Variants in ARSK observed in about 807,000 individuals in gnomAD.
The protein encoded by ARSK is arylsulfatase family member K, also known as arylsulfatase K.
ARSK carries 37 observed loss-of-function variants against 53.2 expected under a neutral mutation model. The observed-to-expected ratio is 0.70, with a 90% confidence interval of 0.54 to 0.92. The LOEUF is 0.92. ARSK is among the 40% of genes least tolerant of loss of function. The pLI is 0.00. For synonymous variants in ARSK, 208 were observed against 223.2 expected, an observed-to-expected ratio of 0.93 and a Z score of 0.61; for missense variants, 613 against 643.0, an observed-to-expected ratio of 0.95 and a Z score of 0.51.
At chr5:95,596,252 A>G (rs1749305916) in intron 6 of ARSK, among the ~76,000 whole-genome samples, 1 of 152,214 alleles carries the variant, frequency 6.6e-6, no homozygotes, top group Non-Finnish European at 1.5e-5. Flanking sequence ...AAACAAACTT[A>G]TACATATTTT....
intron 6 of ARSK, among the ~76,000 whole-genome samples, chr5:95,594,172 A>G (rs1477573564): frequency 3.9e-5 from 6 of 152,194 alleles, no homozygotes; most frequent in Non-Finnish European, 5.9e-5. Context: ...GGGTCTTTAT[A>G]TAAAACACTG....
At chr5:95,560,903 C>T (rs1029266896) in intron 1 of ARSK, among the ~76,000 whole-genome samples, 1 of 149,904 alleles carries the variant, frequency 6.7e-6, no homozygotes, top group Non-Finnish European at 1.5e-5. Flanking sequence ...CTCCCAGGTT[C>T]AAGCCATTCT....
chr5:95,601,125 A>G (rs1749396486), intron 7 of ARSK, 54 bp downstream of exon 7: 8 of 1,405,464 alleles, frequency 5.7e-6, no homozygotes, highest in South Asian at 4.7e-5. Context: ...GAACTGCCCT[A>G]TGTAGCATTG....
chr5:95,586,040 A>G (rs1204990433), intron 4 of ARSK, among the ~76,000 whole-genome samples: 1 of 152,206 alleles, frequency 6.6e-6, no homozygotes, highest in Non-Finnish European at 1.5e-5. Context: ...TGACTAAAAT[A>G]TATATGAATT....
chr5:95,564,179 T>C (rs1016141972), intron 1 of ARSK, among the ~76,000 whole-genome samples: 17 of 152,176 alleles, frequency 1.1e-4, no homozygotes, highest in Admixed American at 4.6e-4. Flanking sequence ...GGTTTCACCA[T>C]GTTGGCCTGA....
intron 1 of ARSK, among the ~76,000 whole-genome samples, chr5:95,563,152 C>G (rs182067796): frequency 3.3e-5 from 5 of 152,110 alleles, no homozygotes; most frequent in Admixed American, 6.5e-5. Flanking sequence ...ACCAAAACTT[C>G]TAGAAAATTT....
intron 1 of ARSK, among the ~76,000 whole-genome samples, chr5:95,561,295 T>C (rs1748631874): frequency 6.6e-6 from 1 of 152,218 alleles, no homozygotes; most frequent in Admixed American, 6.5e-5. Flanking sequence ...TGTGGAGGAA[T>C]TGCAACCCAT....
At chr5:95,578,135 G>T (rs780449027) in intron 3 of ARSK, among the ~76,000 whole-genome samples, 6 of 151,998 alleles carry the variant, frequency 3.9e-5, no homozygotes, top group Non-Finnish European at 7.4e-5. Context: ...TTGTATGTGT[G>T]TTTCTCTCAA....
At chr5:95,591,889 AG>A (rs1749224397) in intron 6 of ARSK, among the ~76,000 whole-genome samples, 1 of 152,236 alleles carries the variant, frequency 6.6e-6, no homozygotes, top group Non-Finnish European at 1.5e-5. Flanking sequence ...AAGCCATGTA[AG>A]ATATTCGGGT....
intron 1 of ARSK, among the ~76,000 whole-genome samples, chr5:95,561,815 A>G (rs754947674): frequency 7.9e-5 from 12 of 152,240 alleles, no homozygotes; most frequent in African/African-American, 1.4e-4. Flanking sequence ...GACTATGGTA[A>G]TGGTTGCACA....
At chr5:95,576,541 A>G (rs1748927529) in intron 3 of ARSK, among the ~76,000 whole-genome samples, 2 of 151,950 alleles carry the variant, frequency 1.3e-5, no homozygotes, top group African/African-American at 4.8e-5. Context: ...TTAAAAATTG[A>G]CTGAGATTTG....
At chr5:95,586,809 T>A (rs1282712579) in intron 5 of ARSK, 76 bp downstream of exon 5, 1 of 1,281,896 alleles carries the variant, frequency 7.8e-7, no homozygotes, top group Non-Finnish European at 1.0e-6. Flanking sequence ...ATCATGCTGC[T>A]TGGTGACTTT....
intron 3 of ARSK, among the ~76,000 whole-genome samples, chr5:95,570,724 A>G (rs1748813453): frequency 6.6e-6 from 1 of 152,226 alleles, no homozygotes. Flanking sequence ...ACTCAATGGA[A>G]AGATTATTAT....
chr5:95,601,975 C>T (rs998515947), intron 7 of ARSK, among the ~76,000 whole-genome samples: 4 of 152,024 alleles, frequency 2.6e-5, no homozygotes, highest in African/African-American at 9.7e-5. Flanking sequence ...CAACAGACCA[C>T]ATCAAACCAG....
At chr5:95,602,048 G>C (rs568619729) in intron 7 of ARSK, among the ~76,000 whole-genome samples, 2 of 152,030 alleles carry the variant, frequency 1.3e-5, no homozygotes, top group Non-Finnish European at 2.9e-5. Context: ...AAAAAAAAGA[G>C]AATCACAATA....
At position 95,602,147 on chromosome 5, in the gene ARSK, G is replaced by A. The variant is rs552222119; in HGVS notation, c.1321+1076G>A. On this transcript the variant is annotated intron_variant, in intron 7 of 7. Transcript: ENST00000380009. ...ACAAAGAAAGTAACACTATAATGAC[G>A]AATCTGCTTTTTGTTCCATGTTTCT... 8.1e-4 allele frequency among the ~76,000 whole-genome samples: 123 copies of A among 152,204 alleles called. 1 individual carries two copies. Among genetic ancestry groups the A allele is most frequent in the African/African-American group, 2.9e-3 (119 of 41,540 alleles).
chr5:95,558,907 G>A (rs1357585867), intron 1 of ARSK, among the ~76,000 whole-genome samples: 2 of 152,192 alleles, frequency 1.3e-5, no homozygotes, highest in African/African-American at 2.4e-5. Flanking sequence ...TTGGGAGACC[G>A]AGGTGGGTGG....
chr5:95,571,173 T>TAAA (rs1305561662), intron 3 of ARSK, among the ~76,000 whole-genome samples: 1 of 152,270 alleles, frequency 6.6e-6, no homozygotes, highest in East Asian at 1.9e-4. Context: ...TTTTAGAATG[T>TAAA]AAGCTTAATC....
intron 1 of ARSK, chr5:95,556,687 A>G (rs1748522633): frequency 6.5e-6 from 1 of 154,280 alleles, no homozygotes; most frequent in Admixed American, 6.5e-5. Flanking sequence ...GTATGAATGC[A>G]TAGATTTTTC....
Sources: allele counts gnomAD v4.1 joint callset (sites outside exome capture counted in the v4.1 genomes callset), GRCh38; gene constraint gnomAD v4.1.1; transcripts MANE v1.5; gene names NCBI Gene and HGNC (gene_info 2026-07-23, HGNC 2026-07-21).